Variants in MAPRE1 observed in about 807,000 individuals in gnomAD.
MAPRE1 encodes the protein microtubule-associated protein RP/EB family member 1.
Under a neutral mutation model 32.1 loss-of-function variants are expected in MAPRE1, and 5 were observed. The observed-to-expected ratio is 0.16, with a 90% CI of 0.08 to 0.33. The LOEUF is 0.33. Ranked by LOEUF, MAPRE1 falls within the 10% of genes least tolerant of loss-of-function variation. The probability of loss-of-function intolerance (pLI) is 1.00; values close to 1 mark genes in which losing one functional copy is unlikely to be tolerated. For synonymous variants in MAPRE1, 122 were observed against 118.9 expected, an observed-to-expected ratio of 1.03 and a Z score of -0.17; for missense variants, 209 against 327.2, an observed-to-expected ratio of 0.64 and a Z score of 2.79.
At chr20:32,829,827 A>G (rs1982969219) in intron 2 of MAPRE1, among the ~76,000 whole-genome samples, 1 of 152,198 alleles carries the variant, frequency 6.6e-6, no homozygotes, top group Admixed American at 6.5e-5. Context: ...ACTTTCAGTG[A>G]AAGATTTGGC....
At chr20:32,833,270 T>C (rs1983092634) in intron 2 of MAPRE1, among the ~76,000 whole-genome samples, 1 of 152,144 alleles carries the variant, frequency 6.6e-6, no homozygotes. Flanking sequence ...GACAGACGTC[T>C]TAGGGAAAAA....
intron 2 of MAPRE1, among the ~76,000 whole-genome samples, chr20:32,829,192 G>A (rs569117985): frequency 6.6e-6 from 1 of 152,300 alleles, no homozygotes; most frequent in East Asian, 1.9e-4. Context: ...GATTACAGGT[G>A]TGAGCCACCG....
intron 1 of MAPRE1, among the ~76,000 whole-genome samples, chr20:32,820,329 C>T (rs1053385332): frequency 6.6e-6 from 1 of 151,926 alleles, no homozygotes; most frequent in Non-Finnish European, 1.5e-5. Context: ...ACTGGAGGTC[C>T]CAGGGTGGTT....
At chr20:32,821,483 G>A (rs999873794) in intron 1 of MAPRE1, among the ~76,000 whole-genome samples, 4 of 152,206 alleles carry the variant, frequency 2.6e-5, no homozygotes, top group African/African-American at 2.4e-5. Flanking sequence ...ATCCAGATGT[G>A]CCCTTTGTGG....
intron 5 of MAPRE1, among the ~76,000 whole-genome samples, chr20:32,842,927 G>T (rs1415069557): frequency 2.0e-5 from 3 of 152,196 alleles, no homozygotes; most frequent in Admixed American, 6.5e-5. Context: ...AACTTCAACA[G>T]TCGAGGTTGG....
chr20:32,844,085 C>T (rs933423627), intron 5 of MAPRE1, among the ~76,000 whole-genome samples: 1 of 152,148 alleles, frequency 6.6e-6, no homozygotes, highest in African/African-American at 2.4e-5. Flanking sequence ...AACTCCTGAC[C>T]TCAGGTGATC....
At chr20:32,825,867 G>T in intron 1 of MAPRE1, 58 bp from the exon 2 acceptor site, 3 of 1,471,712 alleles carry the variant, frequency 2.0e-6, no homozygotes, top group South Asian at 1.4e-5. Context: ...GGAAACACTT[G>T]ACCTTACTTG....
rs1440201147 is a variant in MAPRE1 at position 32,822,336 on chromosome 20, G to A, written c.-4+2308G>A. Among the ~76,000 whole-genome samples the A allele has an allele frequency of 3.3e-5, 5 of 152,262 alleles. No homozygotes were observed. The East Asian group carries it at 9.6e-4, about 29-fold the overall frequency. ...TCTCTGGTACCTGATTTTGCGCACA[G>A]TATTTTGTTCATTCAAGGATTTTAA... On this transcript the variant is annotated intron_variant, in intron 1 of 6. Transcript: ENST00000375571.
intron 2 of MAPRE1, 114 bp downstream of exon 2, chr20:32,826,162 G>C (rs1982839761): frequency 1.1e-6 from 1 of 924,554 alleles, no homozygotes; most frequent in Non-Finnish European, 1.6e-6. Flanking sequence ...CTTTGTTAGG[G>C]CCACCCTGTT....
Position 32,849,137 on chromosome 20 carries a change from TTAAAA to T in MAPRE1, c.*412_*416del, listed in dbSNP as rs1458515062. The T allele has an allele frequency of 4.5e-5, 7 of 154,666 alleles. No individual in the cohort carries two copies. Among genetic ancestry groups the T allele is most frequent in the Non-Finnish European group, 7.2e-5 (5 of 69,494 alleles). The allele number at this position is 154,666 out of a possible 1,614,324, so 9.6% of individuals were successfully genotyped here. A position where few individuals can be genotyped will look rare whatever the true frequency, so the allele number is the denominator to read the frequency against. ...TAATAAGTAAATGCCTTAAGAGTAT[TTAAAA>T]TATGCTTCCACATTTCAAAATATAA... is the stretch of plus-strand genomic sequence containing the variant. On this transcript the variant is annotated 3_prime_UTR_variant, in exon 7 of 7. Coordinates refer to ENST00000375571, the MANE Select transcript of MAPRE1 (RefSeq NM_012325.3).
chr20:32,847,660 A>C (rs1983540573), intron 6 of MAPRE1, among the ~76,000 whole-genome samples: 1 of 152,240 alleles, frequency 6.6e-6, no homozygotes, highest in African/African-American at 2.4e-5. Flanking sequence ...TCCTTGGTTT[A>C]GTCTGAGTAT....
chr20:32,827,996 C>T (rs557213772), intron 2 of MAPRE1, among the ~76,000 whole-genome samples: 6 of 149,944 alleles, frequency 4.0e-5, no homozygotes, highest in African/African-American at 1.2e-4. Flanking sequence ...GTCCTAGTCT[C>T]GGTCTTAGTT....
chr20:32,834,996 CAG>C (rs1197578983), intron 3 of MAPRE1, among the ~76,000 whole-genome samples: 2 of 152,040 alleles, frequency 1.3e-5, no homozygotes, highest in Admixed American at 6.6e-5. Flanking sequence ...TTATATTTGT[CAG>C]AGGGGTGGAT....
intron 1 of MAPRE1, among the ~76,000 whole-genome samples, chr20:32,821,403 C>T (rs1982697850): frequency 6.6e-6 from 1 of 152,188 alleles, no homozygotes; most frequent in Admixed American, 6.5e-5. Flanking sequence ...GCTGAACCCC[C>T]ACCTGGGACT....
At chr20:32,831,296 A>C (rs901574458) in intron 2 of MAPRE1, among the ~76,000 whole-genome samples, 1 of 152,100 alleles carries the variant, frequency 6.6e-6, no homozygotes, top group Non-Finnish European at 1.5e-5. Context: ...AAAAAGAAAC[A>C]TGAAGAGAAT....
chr20:32,839,981 G>T, intron 5 of MAPRE1, 125 bp downstream of exon 5: 2 of 1,344,630 alleles, frequency 1.5e-6, no homozygotes, highest in South Asian at 1.3e-5. Flanking sequence ...CATGTGACAC[G>T]TGTGAGCCTC....
chr20:32,843,312 G>C (rs1349394548), intron 5 of MAPRE1: 1 of 152,102 alleles, frequency 6.6e-6, no homozygotes, highest in Non-Finnish European at 1.5e-5. Flanking sequence ...GGCTTGTCAG[G>C]CTGTGGGAAA....
At chr20:32,838,603 C>T (rs1371648898) in intron 4 of MAPRE1, among the ~76,000 whole-genome samples, 3 of 152,210 alleles carry the variant, frequency 2.0e-5, no homozygotes, top group Admixed American at 6.5e-5. Context: ...AGTGCCTCAG[C>T]TCTTTACATT....
intron 2 of MAPRE1, among the ~76,000 whole-genome samples, chr20:32,830,835 T>C (rs242549): frequency 0.98 from 148,915 of 151,774 alleles, 73,070 homozygotes; most frequent in East Asian, 1. Flanking sequence ...CACCATTCTC[T>C]GCCTCAGCCT....
Sources: allele counts gnomAD v4.1 joint callset (sites outside exome capture counted in the v4.1 genomes callset), GRCh38; gene constraint gnomAD v4.1.1; transcripts MANE v1.5; gene names NCBI Gene and HGNC (gene_info 2026-07-23, HGNC 2026-07-21).